PID1: variants seen among roughly 807,000 people sequenced by gnomAD.
The protein encoded by PID1 is PTB-containing, cubilin and LRP1-interacting protein.
PID1 carries 10 observed loss-of-function variants against 19.1 expected under a neutral mutation model. That is an observed-to-expected ratio of 0.52 (90% CI 0.32 to 0.89). The LOEUF is 0.89. Ranked by LOEUF, PID1 falls within the 40% of genes least tolerant of loss-of-function variation. The pLI, the probability that PID1 is intolerant of heterozygous loss-of-function variation, is 0.03. For synonymous variants in PID1, 130 were observed against 116.0 expected, an observed-to-expected ratio of 1.12 and a Z score of -0.78; for missense variants, 248 against 285.3, an observed-to-expected ratio of 0.87 and a Z score of 0.94.
chr2:229,210,537 A>AC (rs1278027043), intron 1 of PID1, among the ~76,000 whole-genome samples: 1 of 146,646 alleles, frequency 6.8e-6, no homozygotes, highest in Non-Finnish European at 1.5e-5. Context: ...AAAAAAAAAA[A>AC]AAAAAAAAAA....
intron 2 of PID1, among the ~76,000 whole-genome samples, chr2:229,060,186 T>C (rs1255549512): frequency 6.6e-6 from 1 of 152,138 alleles, no homozygotes; most frequent in Non-Finnish European, 1.5e-5. Flanking sequence ...TTATTTATTA[T>C]AGTCACCATT....
intron 1 of PID1, among the ~76,000 whole-genome samples, chr2:229,251,442 A>G (rs1690148151): frequency 1.3e-5 from 2 of 152,218 alleles, no homozygotes; most frequent in African/African-American, 4.8e-5. Flanking sequence ...TATACCACCC[A>G]GAACTCCCCA....
At chr2:229,197,796 T>C (rs1367926561) in intron 1 of PID1, among the ~76,000 whole-genome samples, 1 of 152,016 alleles carries the variant, frequency 6.6e-6, no homozygotes, top group Admixed American at 6.6e-5. Flanking sequence ...TATATGTTTT[T>C]AAATTCTTCA....
At chr2:229,233,176 A>G (rs1351957964) in intron 1 of PID1, among the ~76,000 whole-genome samples, 2 of 152,196 alleles carry the variant, frequency 1.3e-5, no homozygotes, top group Non-Finnish European at 2.9e-5. Flanking sequence ...AAAATAAAAA[A>G]TCAGAATGGT....
chr2:229,055,128 A>G (rs1189658886), intron 2 of PID1, among the ~76,000 whole-genome samples: 2 of 152,146 alleles, frequency 1.3e-5, no homozygotes, highest in Non-Finnish European at 2.9e-5. Context: ...GCCATTCATC[A>G]TTGGTGCTCA....
intron 1 of PID1, among the ~76,000 whole-genome samples, chr2:229,270,699 C>A (rs1174125931): frequency 6.6e-6 from 1 of 150,998 alleles, no homozygotes; most frequent in Non-Finnish European, 1.5e-5. Context: ...CCCCAGACCA[C>A]TGCATTGTGT....
intron 1 of PID1, among the ~76,000 whole-genome samples, chr2:229,226,070 G>T (rs62191691): frequency 0.31 from 47,343 of 152,026 alleles, 7,860 homozygotes; most frequent in East Asian, 0.66. Context: ...CTTAATCCTA[G>T]CCACACATCT....
intron 1 of PID1, among the ~76,000 whole-genome samples, chr2:229,225,693 G>A (rs1208624692): frequency 6.6e-6 from 1 of 152,196 alleles, no homozygotes; most frequent in Non-Finnish European, 1.5e-5. Context: ...TTGACTCACA[G>A]TTTAGCATGT....
At chr2:229,260,927 C>T (rs1220901668) in intron 1 of PID1, among the ~76,000 whole-genome samples, 2 of 150,854 alleles carry the variant, frequency 1.3e-5, no homozygotes, top group East Asian at 1.9e-4. Flanking sequence ...AATTGTGTCC[C>T]TCTAAAATGT....
At chr2:229,255,006 CTA>C (rs1045610812) in intron 1 of PID1, among the ~76,000 whole-genome samples, 1 of 152,164 alleles carries the variant, frequency 6.6e-6, no homozygotes, top group African/African-American at 2.4e-5. Flanking sequence ...AGTATGCACA[CTA>C]AATCTCAATG....
intron 2 of PID1, among the ~76,000 whole-genome samples, chr2:229,109,070 C>T (rs3845826): frequency 0.43 from 64,688 of 151,904 alleles, 14,407 homozygotes; most frequent in East Asian, 0.72. Context: ...AAATGAAATA[C>T]GAGAGGAAGC....
chr2:229,207,871 C>T (rs964855129), intron 1 of PID1, among the ~76,000 whole-genome samples: 2 of 151,986 alleles, frequency 1.3e-5, no homozygotes, highest in East Asian at 3.9e-4. Context: ...TCTGACAACA[C>T]GGCTCGGTAA....
chr2:229,052,492 G>A (rs1028443222), intron 2 of PID1, among the ~76,000 whole-genome samples: 2 of 152,008 alleles, frequency 1.3e-5, no homozygotes, highest in African/African-American at 4.8e-5. Flanking sequence ...CATTTCTACT[G>A]CTACCAAGGA....
chr2:229,081,787 T>A (rs931946210), intron 2 of PID1, among the ~76,000 whole-genome samples: 1 of 152,202 alleles, frequency 6.6e-6, no homozygotes, highest in Non-Finnish European at 1.5e-5. Context: ...GTTAATAGTG[T>A]TTGCAGAATA....
intron 1 of PID1, among the ~76,000 whole-genome samples, chr2:229,199,144 C>A (rs1691438028): frequency 6.6e-6 from 1 of 152,008 alleles, no homozygotes. Context: ...GTAACCCCCA[C>A]CCCAAATATG....
intron 2 of PID1, among the ~76,000 whole-genome samples, chr2:229,144,016 G>T (rs1690073869): frequency 6.6e-6 from 1 of 152,082 alleles, no homozygotes; most frequent in Non-Finnish European, 1.5e-5. Context: ...ATAGGATCAG[G>T]TTCCTGAAAT....
intron 2 of PID1, among the ~76,000 whole-genome samples, chr2:229,102,096 G>C (rs896555314): frequency 6.6e-6 from 1 of 151,964 alleles, no homozygotes; most frequent in African/African-American, 2.4e-5. Context: ...GGGAAGCAGG[G>C]GGCCAGGCAA....
intron 2 of PID1, among the ~76,000 whole-genome samples, chr2:229,051,390 T>C (rs1693992743): frequency 6.6e-6 from 1 of 152,180 alleles, no homozygotes; most frequent in African/African-American, 2.4e-5. Context: ...CCGGCTGTAG[T>C]GCAGTGAGGT....
At chr2:229,076,110 T>C (rs1439293273) in intron 2 of PID1, among the ~76,000 whole-genome samples, 2 of 152,242 alleles carry the variant, frequency 1.3e-5, no homozygotes, top group Non-Finnish European at 2.9e-5. Context: ...CATTAGTCCA[T>C]ACCAGACCTT....
Sources: gnomAD v4.1 joint callset for allele counts (sites outside exome capture counted in the v4.1 genomes callset) on GRCh38, gnomAD v4.1.1 for gene constraint, MANE v1.5 for transcripts, NCBI Gene and HGNC (gene_info 2026-07-23, HGNC 2026-07-21) for gene names.